IGF2BP3: variants seen among roughly 807,000 people sequenced by gnomAD.
IGF2BP3 encodes insulin-like growth factor 2 mRNA-binding protein 3.
In IGF2BP3, 9 loss-of-function variants were observed where a neutral mutation model predicts 73.8. The observed-to-expected ratio is 0.12, with a 90% CI of 0.07 to 0.21. The LOEUF (loss-of-function observed/expected upper bound fraction) is 0.21, where lower values mean the gene tolerates loss of function less well. Ranked by LOEUF, IGF2BP3 falls within the 10% of genes least tolerant of loss-of-function variation. The pLI is 1.00. For missense variants in IGF2BP3, 542 were observed against 714.0 expected, an observed-to-expected ratio of 0.76 and a Z score of 2.75; for synonymous variants, 258 against 256.7, an observed-to-expected ratio of 1.01 and a Z score of -0.05.
In IGF2BP3 at chr7:23,439,554, CAA is replaced by C. The variant is rs11332929; in HGVS notation, c.237-20732_237-20731del. ...CCTGGGAGACAACGAGACTCCGTCT[CAA>C]AAAAAAAAAAAAAAAAAAAAAGACA... is the stretch of plus-strand genomic sequence containing the variant. On this transcript the variant is annotated intron_variant, in intron 2 of 14. Coordinates refer to ENST00000258729, the MANE Select transcript of IGF2BP3 (RefSeq NM_006547.3). Among the ~76,000 whole-genome samples, 544 of 56,694 alleles carry C rather than the reference CAA, an allele frequency of 9.6e-3. 1 individual carries two copies. Among genetic ancestry groups the C allele is most frequent in the African/African-American group, 0.034 (519 of 15,486 alleles). The allele number at this position is 56,694 out of a possible 152,430, so 37.2% of individuals were successfully genotyped here.
At chr7:23,425,362 T>G (rs1476397606) in intron 2 of IGF2BP3, among the ~76,000 whole-genome samples, 1 of 152,190 alleles carries the variant, frequency 6.6e-6, no homozygotes. Context: ...AATTGTTTAC[T>G]ACATAGAATT....
chr7:23,440,014 A>G (rs1346304056), intron 2 of IGF2BP3, among the ~76,000 whole-genome samples: 2 of 152,208 alleles, frequency 1.3e-5, no homozygotes, highest in Non-Finnish European at 2.9e-5. Context: ...CTGTAATCAC[A>G]GCACTTTGGG....
intron 3 of IGF2BP3, among the ~76,000 whole-genome samples, chr7:23,379,290 G>C (rs775911452): frequency 7.7e-4 from 117 of 152,236 alleles, no homozygotes; most frequent in Non-Finnish European, 1.6e-3. Flanking sequence ...TCAAGATAAA[G>C]GCATTTTTTG....
chr7:23,324,955 A>G (rs1293594415), intron 10 of IGF2BP3, among the ~76,000 whole-genome samples: 1 of 148,660 alleles, frequency 6.7e-6, no homozygotes, highest in Non-Finnish European at 1.5e-5. Context: ...ACAAACCCAC[A>G]GCCAATATCA....
chr7:23,428,039 G>A (rs766748169), intron 2 of IGF2BP3, among the ~76,000 whole-genome samples: 2 of 151,862 alleles, frequency 1.3e-5, no homozygotes, highest in Non-Finnish European at 2.9e-5. Flanking sequence ...AACCGGGTGT[G>A]GTGGCACGCA....
At chr7:23,440,133 C>A (rs186196025) in intron 2 of IGF2BP3, among the ~76,000 whole-genome samples, 1 of 152,018 alleles carries the variant, frequency 6.6e-6, no homozygotes, top group Non-Finnish European at 1.5e-5. Context: ...TGTGGTGGCA[C>A]GCGCCTGCAG....
intron 10 of IGF2BP3, among the ~76,000 whole-genome samples, chr7:23,333,880 C>T (rs1784506618): frequency 6.6e-6 from 1 of 152,230 alleles, no homozygotes; most frequent in South Asian, 2.1e-4. Flanking sequence ...GTCCAATTCC[C>T]TTTGCTCCAA....
intron 2 of IGF2BP3, among the ~76,000 whole-genome samples, chr7:23,441,625 G>A (rs1210279711): frequency 2.5e-5 from 3 of 118,180 alleles, no homozygotes; most frequent in Non-Finnish European, 3.6e-5. Flanking sequence ...TTAAAATTCT[G>A]TAGATTTAGG....
At chr7:23,325,874 T>C (rs1784280569) in intron 10 of IGF2BP3, among the ~76,000 whole-genome samples, 1 of 152,194 alleles carries the variant, frequency 6.6e-6, no homozygotes, top group African/African-American at 2.4e-5. Flanking sequence ...TGGCTAGCCA[T>C]ATGTAGAAAG....
At chr7:23,375,274 G>A (rs1423877522) in intron 3 of IGF2BP3, among the ~76,000 whole-genome samples, 2 of 151,978 alleles carry the variant, frequency 1.3e-5, no homozygotes, top group African/African-American at 2.4e-5. Context: ...TGATCCATCC[G>A]TGTTGGTAAA....
intron 3 of IGF2BP3, among the ~76,000 whole-genome samples, chr7:23,395,884 T>C (rs1786440911): frequency 1.3e-5 from 2 of 151,302 alleles, no homozygotes; most frequent in African/African-American, 4.9e-5. Flanking sequence ...TGAGATCACA[T>C]CACTGCACTC....
intron 3 of IGF2BP3, among the ~76,000 whole-genome samples, chr7:23,371,234 T>TCA (rs1785533675): frequency 6.7e-6 from 1 of 149,844 alleles, no homozygotes; most frequent in African/African-American, 2.5e-5. Context: ...TAGAAAGGAG[T>TCA]CACCTTGACT....
chr7:23,335,144 GATA>G (rs1375781675), intron 10 of IGF2BP3, among the ~76,000 whole-genome samples: 12 of 141,564 alleles, frequency 8.5e-5, no homozygotes, highest in African/African-American at 3.2e-4. Flanking sequence ...GCTTCTCAGA[GATA>G]ATAAATGTGC....
intron 10 of IGF2BP3, among the ~76,000 whole-genome samples, chr7:23,321,804 C>G (rs1452827541): frequency 6.6e-6 from 1 of 152,214 alleles, no homozygotes. Context: ...CACCCCCCAG[C>G]AGGGGCACAC....
At chr7:23,348,089 AAG>A (rs1784876078) in intron 6 of IGF2BP3, among the ~76,000 whole-genome samples, 1 of 152,206 alleles carries the variant, frequency 6.6e-6, no homozygotes, top group Non-Finnish European at 1.5e-5. Context: ...AGGGCATGCC[AAG>A]AGAGGAGTTG....
chr7:23,415,127 A>G (rs1787146681), intron 3 of IGF2BP3: 2 of 219,530 alleles, frequency 9.1e-6, no homozygotes, highest in Non-Finnish European at 1.8e-5. Context: ...GCTTCACTGC[A>G]TTACCAGGTC....
chr7:23,388,424 C>T (rs1465364112), intron 3 of IGF2BP3, among the ~76,000 whole-genome samples: 3 of 151,952 alleles, frequency 2.0e-5, no homozygotes, highest in South Asian at 2.1e-4. Context: ...CTTTTTCATA[C>T]GCATATGGAA....
chr7:23,316,705 A>G (rs1784001164), intron 12 of IGF2BP3, among the ~76,000 whole-genome samples: 2 of 151,826 alleles, frequency 1.3e-5, no homozygotes, highest in Admixed American at 1.3e-4. Context: ...GAGAAAAAAA[A>G]AACTACAGCT....
chr7:23,455,741 G>A (rs1395961414), intron 2 of IGF2BP3, among the ~76,000 whole-genome samples: 3 of 152,088 alleles, frequency 2.0e-5, no homozygotes, highest in Non-Finnish European at 4.4e-5. Flanking sequence ...GCTGGAGTGC[G>A]GTGGCGCGAT....
Sources: gnomAD v4.1 joint callset for allele counts (sites outside exome capture counted in the v4.1 genomes callset) on GRCh38, gnomAD v4.1.1 for gene constraint, MANE v1.5 for transcripts, NCBI Gene and HGNC (gene_info 2026-07-23, HGNC 2026-07-21) for gene names.